The following TEX55 variants were observed in gnomAD, a reference collection of about 807,000 sequenced individuals.
The protein encoded by TEX55 is testis expressed 55.
TEX55 carries 31 observed loss-of-function variants against 44.6 expected under a neutral mutation model. The ratio of observed to expected loss-of-function variants is 0.69; its 90% confidence interval spans 0.52 to 0.94. The LOEUF is 0.94. Ranked by LOEUF, TEX55 falls within the 40% of genes least tolerant of loss-of-function variation. TEX55 has a pLI of 0.00. For missense variants in TEX55, 639 were observed against 638.4 expected (o/e 1.00, Z -0.01); for synonymous variants, 230 against 230.9 (o/e 1.00, Z 0.04).
chr3:119,146,204 G>C lies in TEX55; in HGVS notation c.15G>C (p.Pro5=). The change falls in exon 1 of 3, where the codon CCG becomes CCC. Residue 5 remains proline, a synonymous_variant. Coordinates refer to ENST00000295622, the MANE Select transcript of TEX55 (RefSeq NM_152539.3). The stretch of plus-strand genomic sequence containing the variant: ...CGCGGCAGGAAATGGAAGAGCCTCC[G>C]CAAGAGGCTCTGGCTGAACCCTTGA... MEEP[P]QEALAEPLKH... is the part of the protein sequence containing the mutation. The C allele has an allele frequency of 6.5e-7, 1 of 1,533,066 alleles. No homozygotes were observed. The highest frequency in any genetic ancestry group is 8.8e-7 in the Non-Finnish European group (1 of 1,130,670). 95.0% of individuals were successfully genotyped at this position (1,533,066 alleles called of 1,614,324 possible).
rs866104571 is a variant in TEX55 at position 119,147,135 on chromosome 3, G to A, written c.946G>A (p.Glu316Lys). Residue 316 changes from glutamate (E) to lysine (K), a missense_variant, in exon 1 of 3, where the codon GAA becomes AAA. Transcript: ENST00000295622. ...THHQVYGQAT[E>K]LAEHQAIDQA... ...CCACCAAGTGTACGGCCAAGCCACT[G>A]AACTAGCTGAACACCAGGCTATTGA... 7.4e-6 allele frequency: 12 copies of A among 1,614,168 alleles called. No individual in the cohort carries two copies. The highest frequency in any genetic ancestry group is 8.5e-6 in the Non-Finnish European group (10 of 1,180,028).
At chr3:119,147,705 C>A in intron 1 of TEX55, 118 bp downstream of exon 1, 1 of 878,638 alleles carries the variant, frequency 1.1e-6, no homozygotes, top group Non-Finnish European at 1.7e-6. Flanking sequence ...AAAGAATAAA[C>A]CCACATGTTG....
chr3:119,148,350 T>A (rs1420948781), intron 2 of TEX55, 27 bp downstream of exon 2: 1 of 1,574,254 alleles, frequency 6.4e-7, no homozygotes, highest in East Asian at 2.2e-5. Flanking sequence ...CTCTCTTTAA[T>A]TATAAGTTTT....
chr3:119,150,296 T>C (rs2077769522), intron 2 of TEX55, among the ~76,000 whole-genome samples: 1 of 150,086 alleles, frequency 6.7e-6, no homozygotes, highest in Non-Finnish European at 1.5e-5. Flanking sequence ...ATTGAGACAG[T>C]AGAGTTTTAA....
chr3:119,151,262 C>G lies in TEX55; in HGVS notation c.1581C>G (p.Asp527Glu), dbSNP rs866940755. The G allele has an allele frequency of 3.7e-6, 6 of 1,613,038 alleles. No individual in the cohort carries two copies. Among genetic ancestry groups the G allele is most frequent in the Non-Finnish European group, 2.5e-6 (3 of 1,179,118 alleles). Residue 527 changes from aspartate (D) to glutamate (E), a missense_variant, in exon 3 of 3, where the codon GAC becomes GAG. Transcript: ENST00000295622. ...TENLVYEKPEDPLNFMLCQV is the reference protein window; with the variant it reads ...TENLVYEKPEEPLNFMLCQV ...ACTTAGTCTATGAAAAGCCAGAGGA[C>G]CCCCTGAATTTTATGCTGTGCCAGG...
intron 1 of TEX55, among the ~76,000 whole-genome samples, chr3:119,147,842 C>T (rs2077744650): frequency 6.6e-6 from 1 of 152,196 alleles, no homozygotes; most frequent in African/African-American, 2.4e-5. Context: ...AGGAAACCTG[C>T]ATTTTAAGTC....
chr3:119,149,961 G>GA (rs2077766384), intron 2 of TEX55, among the ~76,000 whole-genome samples: 2 of 152,262 alleles, frequency 1.3e-5, no homozygotes, highest in South Asian at 2.1e-4. Flanking sequence ...TACCTCAAAT[G>GA]AAAACCTTTA....
chr3:119,151,399 T>C lies in TEX55; in HGVS notation c.*107T>C. On this transcript the variant is annotated 3_prime_UTR_variant, in exon 3 of 3. Transcript: ENST00000295622. ...CGTACAACTCTGAATTCTTATGAAG[T>C]AAACATACCTGTAACTACCATTCAA... is the stretch of plus-strand genomic sequence containing the variant. The C allele has an allele frequency of 1.2e-6, 1 of 852,246 alleles. No homozygotes were observed. The highest frequency in any genetic ancestry group is 2.7e-5 in the East Asian group (1 of 37,598). The allele number at this position is 852,246 out of a possible 1,614,324, so 52.8% of individuals were successfully genotyped here.
At chr3:119,149,771 A>G (rs1209506683) in intron 2 of TEX55, among the ~76,000 whole-genome samples, 2 of 152,194 alleles carry the variant, frequency 1.3e-5, no homozygotes, top group African/African-American at 4.8e-5. Context: ...ACATCACTAT[A>G]TGGAACACGA....
Position 119,146,589 on chromosome 3 carries a change from G to T in TEX55, c.400G>T (p.Val134Leu). The T allele has an allele frequency of 2.5e-6, 4 of 1,614,012 alleles. No individual in the cohort carries two copies. Among genetic ancestry groups the T allele is most frequent in the Non-Finnish European group, 3.4e-6 (4 of 1,180,042 alleles). ...ACAGCATGAACAGAGTGATGGTCAG[G>T]TGTCTGGCCTGACGGAGGAAAGAAC... is the stretch of plus-strand genomic sequence containing the variant. The part of the protein sequence containing the change: ...NVQHEQSDGQ[V>L]SGLTEERTAE... The change falls in exon 1 of 3, where the codon GTG becomes TTG. Residue 134 changes from valine to leucine, a missense_variant. Transcript: ENST00000295622.
At chr3:119,150,408 A>G (rs2077770613) in intron 2 of TEX55, among the ~76,000 whole-genome samples, 1 of 152,122 alleles carries the variant, frequency 6.6e-6, no homozygotes, top group South Asian at 2.1e-4. Flanking sequence ...ACAGAAATAG[A>G]TATAAAATAC....
intron 2 of TEX55, among the ~76,000 whole-genome samples, chr3:119,149,423 A>G (rs537383013): frequency 2.6e-5 from 4 of 152,292 alleles, no homozygotes; most frequent in Admixed American, 2.0e-4. Context: ...AATAACATGC[A>G]TGGAGCTGTC....
rs762912324 is a variant in TEX55, at chr3:119,146,984, A to G, written c.795A>G (p.Lys265=). Residue 265 remains lysine (K), a synonymous_variant, in exon 1 of 3, where the codon AAA becomes AAG. Transcript: ENST00000295622. ...AGATTGACCGCAGAATGTCAGGGAAAGTTAGGAGAAGAAGTTCTGAGAAGA... is the reference window on the plus strand; with the variant it reads ...AGATTGACCGCAGAATGTCAGGGAAGGTTAGGAGAAGAAGTTCTGAGAAGA... The part of the protein sequence containing the change: ...SVQIDRRMSG[K]VRRRSSEKTD... The G allele has an allele frequency of 1.2e-6, 2 of 1,614,100 alleles. No individual in the cohort carries two copies. The highest frequency in any genetic ancestry group is 2.7e-5 in the African/African-American group (2 of 74,938).
rs1428215017 is a variant in TEX55, at chr3:119,146,606, G to A, written c.417G>A (p.Glu139=). ...QSDGQVSGLT[E]ERTAEQTERR... is the part of the protein sequence containing the mutation. ...ATGGTCAGGTGTCTGGCCTGACGGA[G>A]GAAAGAACTGCTGAACAGACTGAAC... The change falls in exon 1 of 3, where the codon GAG becomes GAA. Residue 139 remains glutamate (E), a synonymous_variant. Transcript: ENST00000295622. The A allele has an allele frequency of 1.2e-6, 2 of 1,614,046 alleles. No individual in the cohort carries two copies. Among genetic ancestry groups the A allele is most frequent in the East Asian group, 2.2e-5 (1 of 44,890 alleles).
chr3:119,146,952 T>C lies in TEX55; in HGVS notation c.763T>C (p.Ser255Pro), dbSNP rs953079426. Reference sequence around the variant, plus strand: ...GTCCGTACCATCTGACCAAAGACCTTCCGTACAGATTGACCGCAGAATGTC... The same window carrying C: ...GTCCGTACCATCTGACCAAAGACCTCCCGTACAGATTGACCGCAGAATGTC... Reference protein sequence around the residue: ...GSSVPSDQRPSVQIDRRMSGK... With the variant: ...GSSVPSDQRPPVQIDRRMSGK... The change falls in exon 1 of 3, where the codon TCC becomes CCC. Residue 255 changes from serine (S) to proline (P), a missense_variant. Transcript: ENST00000295622. 3.1e-6 allele frequency: 5 copies of C among 1,613,998 alleles called. No individual in the cohort carries two copies. Among genetic ancestry groups the C allele is most frequent in the Middle Eastern group, 1.6e-4 (1 of 6,062 alleles).
intron 2 of TEX55, 103 bp from the exon 3 acceptor site, chr3:119,151,121 C>T: frequency 2.6e-6 from 2 of 757,632 alleles, no homozygotes; most frequent in Non-Finnish European, 4.6e-6. Context: ...AAAACAAAAG[C>T]TATGGTATGT....
At position 119,147,581 on chromosome 3, in the gene TEX55, C is replaced by A. The variant is rs1009309180; in HGVS notation, c.1392C>A (p.Thr464=). The stretch of plus-strand genomic sequence containing the variant: ...AAGAAAAAACTCAAGCCATAGTAAC[C>A]AAATCTGTAAGTTAAATGGGCATTT... ...SSQEKTQAIV[T]KSDEFSEIDQ... Residue 464 remains threonine, a synonymous_variant, in exon 1 of 3, where the codon ACC becomes ACA. Transcript: ENST00000295622. The A allele has an allele frequency of 2.1e-5, 34 of 1,611,114 alleles. No homozygotes were observed. The highest frequency in any genetic ancestry group is 2.7e-5 in the Non-Finnish European group (32 of 1,178,680).
In TEX55 at chr3:119,146,818, T is replaced by C; in HGVS notation, c.629T>C (p.Ile210Thr). 2 of 1,614,136 alleles carry C rather than the reference T, an allele frequency of 1.2e-6. No individual in the cohort carries two copies. Among genetic ancestry groups the C allele is most frequent in the South Asian group, 1.1e-5 (1 of 91,078 alleles). Residue 210 changes from isoleucine to threonine, a missense_variant, in exon 1 of 3, where the codon ATT (isoleucine) becomes ACT (threonine). By Grantham distance (89) the Ile-to-Thr change is moderately conservative. Transcript: ENST00000295622. ...GEAERRTSEQITHRLSKLSER... is the reference protein window; with the variant it reads ...GEAERRTSEQTTHRLSKLSER... Reference sequence around the variant, plus strand: ...GCTGAGCGAAGAACTTCTGAGCAGATTACACACAGATTATCCAAACTATCT... The same window carrying C: ...GCTGAGCGAAGAACTTCTGAGCAGACTACACACAGATTATCCAAACTATCT...
chr3:119,150,895 A>G lies in TEX55; in HGVS notation c.1543-329A>G, dbSNP rs77945503. Among the ~76,000 whole-genome samples the G allele has an allele frequency of 0.015, 2,265 of 152,288 alleles. 90 individuals carry two copies. In the East Asian group the frequency reaches 0.16, roughly 11 times the overall value. On this transcript the variant is annotated intron_variant, in intron 2 of 2. Coordinates refer to ENST00000295622, the MANE Select transcript of TEX55 (RefSeq NM_152539.3). The stretch of plus-strand genomic sequence containing the variant: ...TAATTTGCCTAATTTTATTAGTAAT[A>G]ATAAAGTAAGCTGTTACTTTGTAGA...
Sources: allele counts gnomAD v4.1 joint callset (sites outside exome capture counted in the v4.1 genomes callset), GRCh38; gene constraint gnomAD v4.1.1; transcripts MANE v1.5; gene names NCBI Gene and HGNC (gene_info 2026-07-23, HGNC 2026-07-21).